ZNF92: variants seen among roughly 807,000 people sequenced by gnomAD.
ZNF92 encodes zinc finger protein 92, also known as epididymis luminal protein 203.
In ZNF92, 11 loss-of-function variants were observed where a neutral mutation model predicts 12.4. The ratio of observed to expected loss-of-function variants is 0.89; its 90% CI spans 0.56 to 1.47. The LOEUF is 1.47. ZNF92 is among the 40% of genes most tolerant of loss of function. The probability of loss-of-function intolerance (pLI) is 0.00; values close to 1 mark genes in which losing one functional copy is unlikely to be tolerated. For synonymous variants in ZNF92, 206 were observed against 228.6 expected, an observed-to-expected ratio of 0.90 and a Z score of 0.89; for missense variants, 622 against 681.0, an observed-to-expected ratio of 0.91 and a Z score of 0.96.
chr7:65,379,218 G>A (rs187823898), intron 1 of ZNF92, among the ~76,000 whole-genome samples: 1 of 152,230 alleles, frequency 6.6e-6, no homozygotes, highest in East Asian at 1.9e-4. Context: ...AGTGTTGTGG[G>A]ACTGAATCCT....
chr7:65,389,001 C>T, intron 3 of ZNF92, 100 bp downstream of exon 3: 9 of 1,084,924 alleles, frequency 8.3e-6, no homozygotes, highest in South Asian at 1.3e-5. Context: ...ACCTTGTTGT[C>T]CAGGCTGGAG....
At position 65,399,900 on chromosome 7, in the gene ZNF92, C is replaced by G. The variant is rs1793966083; in HGVS notation, c.*25C>G. The G allele has an allele frequency of 6.5e-7, 1 of 1,526,932 alleles. No homozygotes were observed. Among genetic ancestry groups the G allele is most frequent in the Non-Finnish European group, 8.8e-7 (1 of 1,138,336 alleles). 94.6% of individuals were successfully genotyped at this position (1,526,932 alleles called of 1,614,324 possible). A position where few individuals can be genotyped will look rare whatever the true frequency, so the allele number is the denominator to read the frequency against. ...AAAGATGTGACAATGATTTTCACTA[C>G]ACCTCAAACTTTTCTAAACATAAAC... On this transcript the variant is annotated 3_prime_UTR_variant, in exon 4 of 4. Coordinates refer to ENST00000328747, the MANE Select transcript of ZNF92 (RefSeq NM_152626.4).
At chr7:65,374,837 TC>T (rs1010175398) in intron 1 of ZNF92, among the ~76,000 whole-genome samples, 4 of 152,040 alleles carry the variant, frequency 2.6e-5, no homozygotes, top group African/African-American at 9.7e-5. Flanking sequence ...TTCACATGTG[TC>T]CCAAGCAGGG....
rs1793991658 is a variant in ZNF92 at position 65,400,708 on chromosome 7, G to T, written c.*833G>T. 1 of 151,574 alleles carries T rather than the reference G, an allele frequency of 6.6e-6. No homozygotes were observed. The highest frequency in any genetic ancestry group is 2.1e-4 in the South Asian group (1 of 4,820). The allele number at this position is 151,574 out of a possible 1,614,324, so 9.4% of individuals were successfully genotyped here. Reference sequence around the variant, plus strand: ...TACATTCAAAGTATACTTTTTTCTTGAAAAAAATTACAGATTTTTTGAAAA... The same window carrying T: ...TACATTCAAAGTATACTTTTTTCTTTAAAAAAATTACAGATTTTTTGAAAA... On this transcript the variant is annotated 3_prime_UTR_variant, in exon 4 of 4. Coordinates refer to ENST00000328747, the MANE Select transcript of ZNF92 (RefSeq NM_152626.4).
At chr7:65,393,341 C>A (rs1247238056) in intron 3 of ZNF92, among the ~76,000 whole-genome samples, 1 of 146,488 alleles carries the variant, frequency 6.8e-6, no homozygotes, top group Non-Finnish European at 1.5e-5. Flanking sequence ...TGACAATTTT[C>A]TTTTTTAAGG....
chr7:65,398,700 A>T lies in ZNF92; in HGVS notation c.586A>T (p.Thr196Ser). Reference protein sequence around the residue: ...SQLTQHKKIHTREYSYKCEEC... With the variant: ...SQLTQHKKIHSREYSYKCEEC... Reference sequence around the variant, plus strand: ...ATTAACTCAACATAAGAAAATTCATACTAGAGAGTATTCTTACAAATGTGA... The same window carrying T: ...ATTAACTCAACATAAGAAAATTCATTCTAGAGAGTATTCTTACAAATGTGA... The change falls in exon 4 of 4, where the codon ACT becomes TCT. Residue 196 changes from threonine (T) to serine (S), a missense_variant. Physicochemically the swap from Thr to Ser is moderately conservative, Grantham distance 58. Coordinates refer to ENST00000328747, the MANE Select transcript of ZNF92 (RefSeq NM_152626.4). 1 of 1,611,572 alleles carries T rather than the reference A, an allele frequency of 6.2e-7. No individual in the cohort carries two copies. Among genetic ancestry groups the T allele is most frequent in the South Asian group, 1.1e-5 (1 of 90,636 alleles).
At chr7:65,388,592 C>T (rs545551866) in intron 2 of ZNF92, among the ~76,000 whole-genome samples, 12 of 151,600 alleles carry the variant, frequency 7.9e-5, no homozygotes, top group Admixed American at 5.9e-4. Context: ...GAGCTGAGAT[C>T]GTGCCATTGC....
intron 1 of ZNF92, among the ~76,000 whole-genome samples, chr7:65,381,941 G>GA (rs1174360745): frequency 1.3e-5 from 2 of 152,044 alleles, no homozygotes; most frequent in Admixed American, 1.3e-4. Flanking sequence ...TCAGAGTAGA[G>GA]AGCTATTGCT....
Position 65,399,107 on chromosome 7 carries a change from T to C in ZNF92, c.993T>C (p.His331=), listed in dbSNP as rs757535868. ...AFRVFSILKK[H]KIIHTGEKPY... ...GAGTATTCTCAATTCTTAAAAAACA[T>C]AAGATAATCCATACTGGGGAAAAAC... Residue 331 remains histidine (H), a synonymous_variant, in exon 4 of 4, where the codon CAT becomes CAC. Transcript: ENST00000328747. 6.2e-7 allele frequency: 1 copy of C among 1,612,644 alleles called. No individual in the cohort carries two copies. Among genetic ancestry groups the C allele is most frequent in the East Asian group, 2.2e-5 (1 of 44,764 alleles).
chr7:65,374,726 T>A (rs988997341), intron 1 of ZNF92, among the ~76,000 whole-genome samples: 8 of 151,898 alleles, frequency 5.3e-5, no homozygotes, highest in Non-Finnish European at 7.4e-5. Flanking sequence ...TGAATTATAT[T>A]TTTTTTAAAG....
chr7:65,398,287 T>G, intron 3 of ZNF92, 54 bp from the exon 4 acceptor site: 1 of 1,381,412 alleles, frequency 7.2e-7, no homozygotes, highest in Non-Finnish European at 9.6e-7. Context: ...ATTTGTAAAG[T>G]ATATTCATCT....
intron 1 of ZNF92, among the ~76,000 whole-genome samples, chr7:65,382,208 C>T (rs1046027112): frequency 1.3e-5 from 2 of 151,792 alleles, no homozygotes; most frequent in African/African-American, 2.4e-5. Flanking sequence ...TTATTGTGAC[C>T]GTCTTTCTGT....
At position 65,375,377 on chromosome 7, in the gene ZNF92, A is replaced by AT. The variant is rs1793211756; in HGVS notation, c.3+1378dup. 2.0e-5 allele frequency among the ~76,000 whole-genome samples: 3 copies of AT among 152,036 alleles called. No homozygotes were observed. The South Asian group carries it at 6.2e-4, about 32-fold the overall frequency. ...CTCGTAGAATAACCTGAAGTATGGA[A>AT]TGTAGCTTCTCAAGGGAGCAGGTGG... On this transcript the variant is annotated intron_variant, in intron 1 of 3. Transcript: ENST00000328747.
chr7:65,379,788 T>A (rs1201986068), intron 1 of ZNF92, among the ~76,000 whole-genome samples: 3 of 152,038 alleles, frequency 2.0e-5, no homozygotes, highest in Admixed American at 2.0e-4. Flanking sequence ...CACAAATAAA[T>A]GAGAGGACAG....
chr7:65,381,963 A>G (rs1014252517), intron 1 of ZNF92, among the ~76,000 whole-genome samples: 1 of 152,114 alleles, frequency 6.6e-6, no homozygotes, highest in Non-Finnish European at 1.5e-5. Flanking sequence ...TAAAATGCAA[A>G]TAGCCAAAAA....
intron 3 of ZNF92, 43 bp downstream of exon 3, chr7:65,388,944 C>T (rs1793641196): frequency 6.7e-7 from 1 of 1,489,916 alleles, no homozygotes; most frequent in Non-Finnish European, 9.1e-7. Context: ...ATGAGAGGTC[C>T]AAAAGTCAAG....
chr7:65,387,900 A>G lies in ZNF92; in HGVS notation c.4-2A>G. 6.3e-7 allele frequency: 1 copy of G among 1,598,726 alleles called. No homozygotes were observed. The highest frequency in any genetic ancestry group is 8.5e-7 in the Non-Finnish European group (1 of 1,173,106). On this transcript the variant is annotated splice_acceptor_variant, in intron 1 of 3. Coordinates refer to ENST00000328747, the MANE Select transcript of ZNF92 (RefSeq NM_152626.4). LOFTEE classifies it high-confidence loss of function. ...GTTTGTGTGTGTGTGTGTGTTTTTC[A>G]GGGACCACTGACATTTAGGGATGTG...
chr7:65,380,699 C>T (rs1384814584), intron 1 of ZNF92, among the ~76,000 whole-genome samples: 1 of 152,078 alleles, frequency 6.6e-6, no homozygotes, highest in African/African-American at 2.4e-5. Context: ...AATTTGTATT[C>T]TTTGGGTATA....
chr7:65,396,072 C>T (rs1241722357), intron 3 of ZNF92, among the ~76,000 whole-genome samples: 1 of 148,632 alleles, frequency 6.7e-6, no homozygotes, highest in African/African-American at 2.6e-5. Flanking sequence ...GCCATCATAC[C>T]CAGCTAGTTT....
Sources: allele counts gnomAD v4.1 joint callset (sites outside exome capture counted in the v4.1 genomes callset), GRCh38; gene constraint gnomAD v4.1.1; transcripts MANE v1.5; gene names NCBI Gene and HGNC (gene_info 2026-07-23, HGNC 2026-07-21).